RAPH1: variants seen among roughly 807,000 people sequenced by gnomAD.
RAPH1 encodes the protein Ras association (RalGDS/AF-6) and pleckstrin homology domains 1.
A neutral mutation model predicts 88.1 loss-of-function variants in RAPH1; 18 were observed. That is an observed-to-expected ratio of 0.20 (90% CI 0.14 to 0.30). The LOEUF is 0.30. Among genes scored for constraint, RAPH1 ranks in the 10% least tolerant of loss-of-function variants. The pLI, the probability that RAPH1 is intolerant of heterozygous loss-of-function variation, is 1.00. For missense variants in RAPH1, 1,448 were observed against 1,543.2 expected, an observed-to-expected ratio of 0.94 and a Z score of 1.03; for synonymous variants, 587 against 559.0, an observed-to-expected ratio of 1.05 and a Z score of -0.71.
At chr2:203,485,917 G>A (rs1687946309) in intron 4 of RAPH1, among the ~76,000 whole-genome samples, 1 of 152,088 alleles carries the variant, frequency 6.6e-6, no homozygotes, top group African/African-American at 2.4e-5. Flanking sequence ...CCCTGACCTA[G>A]AAGGATTTGA....
At chr2:203,446,887 GTAC>G (rs1432787963) in intron 12 of RAPH1, 1 of 147,556 alleles carries the variant, frequency 6.8e-6, no homozygotes. Flanking sequence ...AGGACTATGT[GTAC>G]TACTAAGTCT....
chr2:203,438,038 T>C lies in RAPH1; in HGVS notation c.*1399A>G, dbSNP rs2098499880. 2.3e-6 allele frequency: 1 copy of C among 437,994 alleles called. No individual in the cohort carries two copies. Among genetic ancestry groups the C allele is most frequent in the Non-Finnish European group, 4.6e-6 (1 of 219,332 alleles). The allele number at this position is 437,994 out of a possible 1,614,324, so 27.1% of individuals were successfully genotyped here. A position where few individuals can be genotyped will look rare whatever the true frequency, so the allele number is the denominator to read the frequency against. ...CAGAAAAAAGCATATAGAAGTATAG[T>C]GTGTCGTTAGAGCACTGACTCCACG... On this transcript the variant is annotated 3_prime_UTR_variant, in exon 14 of 14. Transcript: ENST00000319170.
At chr2:203,519,086 T>C (rs1581402739) in intron 1 of RAPH1, among the ~76,000 whole-genome samples, 2 of 152,218 alleles carry the variant, frequency 1.3e-5, no homozygotes, top group East Asian at 1.9e-4. Flanking sequence ...GAAGAAATTA[T>C]ACCAATTCTC....
At chr2:203,523,041 G>A (rs1480654599) in intron 1 of RAPH1, among the ~76,000 whole-genome samples, 2 of 152,038 alleles carry the variant, frequency 1.3e-5, no homozygotes, top group Admixed American at 6.6e-5. Flanking sequence ...TCACATCAAT[G>A]TAACAGAATG....
intron 2 of RAPH1, among the ~76,000 whole-genome samples, chr2:203,493,231 T>C (rs994994838): frequency 1.3e-5 from 2 of 152,198 alleles, no homozygotes; most frequent in Admixed American, 6.5e-5. Context: ...CTTCACACTT[T>C]TATGTCAGGC....
chr2:203,533,163 T>C (rs986059706), intron 1 of RAPH1, among the ~76,000 whole-genome samples: 2 of 152,180 alleles, frequency 1.3e-5, no homozygotes, highest in South Asian at 2.1e-4. Flanking sequence ...ACTCCACTCC[T>C]TTCACCCAGT....
intron 8 of RAPH1, among the ~76,000 whole-genome samples, chr2:203,456,272 TA>T (rs1662678384): frequency 6.6e-6 from 1 of 152,200 alleles, no homozygotes; most frequent in Non-Finnish European, 1.5e-5. Flanking sequence ...CTAAATTTAA[TA>T]AAACTGTCAG....
chr2:203,446,494 AC>A (rs1465624696), intron 12 of RAPH1: 2 of 152,142 alleles, frequency 1.3e-5, no homozygotes, highest in Non-Finnish European at 2.9e-5. Flanking sequence ...ACACTTGAGG[AC>A]TTAGGTAAGC....
chr2:203,502,145 C>G (rs1688765113), intron 1 of RAPH1, among the ~76,000 whole-genome samples: 1 of 152,194 alleles, frequency 6.6e-6, no homozygotes, highest in African/African-American at 2.4e-5. Flanking sequence ...AATTAACTAG[C>G]TACCAGGGAA....
chr2:203,500,021 A>G (rs1688672223), intron 1 of RAPH1, among the ~76,000 whole-genome samples: 1 of 152,176 alleles, frequency 6.6e-6, no homozygotes, highest in African/African-American at 2.4e-5. Context: ...ATGGGTCTAG[A>G]GTGCTCAATG....
intron 1 of RAPH1, among the ~76,000 whole-genome samples, chr2:203,517,746 CACA>C (rs2105951370): frequency 6.6e-6 from 1 of 152,140 alleles, no homozygotes; most frequent in African/African-American, 2.4e-5. Context: ...CATGAGATTA[CACA>C]ACAACCTCTT....
chr2:203,441,079 G>A lies in RAPH1; in HGVS notation c.2111C>T (p.Pro704Leu). Residue 704 changes from proline to leucine, a missense_variant, in exon 14 of 14, where the codon CCC (proline) becomes CTC (leucine). Coordinates refer to ENST00000319170, the MANE Select transcript of RAPH1 (RefSeq NM_213589.3). ...SQSVKPQILV[P>L]PNGVVPPPPP... ...GGGTGGTGGAACAACTCCATTGGGG[G>A]GTACCAGGATCTGAGGCTTCACTGA... 6.3e-7 allele frequency: 1 copy of A among 1,586,596 alleles called. No homozygotes were observed. Among genetic ancestry groups the A allele is most frequent in the African/African-American group, 1.4e-5 (1 of 73,846 alleles).
At position 203,440,151 on chromosome 2, in the gene RAPH1, G is replaced by A. The variant is rs760094057; in HGVS notation, c.3039C>T (p.Pro1013=). Residue 1013 remains proline (P), a synonymous_variant, in exon 14 of 14, where the codon CCC becomes CCT. Transcript: ENST00000319170. ...KFTPPAESGS[P]SKETLPPPAA... The stretch of plus-strand genomic sequence containing the variant: ...CAGGAGGTGGTAGGGTCTCCTTGCT[G>A]GGAGACCCTGATTCTGCTGGCGGTG... 1.5e-5 allele frequency: 25 copies of A among 1,613,302 alleles called. No homozygotes were observed. The South Asian group carries it at 2.7e-4, about 18-fold the overall frequency.
At chr2:203,501,690 T>C (rs1688745307) in intron 1 of RAPH1, among the ~76,000 whole-genome samples, 1 of 152,020 alleles carries the variant, frequency 6.6e-6, no homozygotes, top group Non-Finnish European at 1.5e-5. Flanking sequence ...GCTTTTTATA[T>C]ATCCATCACT....
chr2:203,454,122 T>C (rs551265161), intron 10 of RAPH1, among the ~76,000 whole-genome samples: 16 of 152,286 alleles, frequency 1.1e-4, no homozygotes, highest in African/African-American at 3.9e-4. Context: ...TTCGGCTCTG[T>C]TCTAAGTTTT....
intron 4 of RAPH1, among the ~76,000 whole-genome samples, chr2:203,475,129 C>T (rs755981386): frequency 6.6e-5 from 10 of 152,022 alleles, no homozygotes; most frequent in Non-Finnish European, 1.3e-4. Context: ...AAAATATGGC[C>T]GGGCGCAGTG....
chr2:203,433,949 G>T lies in RAPH1; in HGVS notation c.*5488C>A. The T allele has an allele frequency of 6.6e-6, 1 of 152,322 alleles. No homozygotes were observed. 9.4% of individuals were successfully genotyped at this position (152,322 alleles called of 1,614,324 possible). ...ATTACAATAGTTTACTGACATAACT[G>T]GCAAGAGTAACTTGGAAAATAACTT... On this transcript the variant is annotated 3_prime_UTR_variant, in exon 14 of 14. Coordinates refer to ENST00000319170, the MANE Select transcript of RAPH1 (RefSeq NM_213589.3).
In RAPH1 at chr2:203,465,930, G is replaced by A. The variant is rs150884929; in HGVS notation, c.733-4005C>T. Reference sequence around the variant, plus strand: ...TAGGGATTAAACAAAGAAGAGACCCGTGTAACCAACTAACATACATTAAAC... The same window carrying A: ...TAGGGATTAAACAAAGAAGAGACCCATGTAACCAACTAACATACATTAAAC... On this transcript the variant is annotated intron_variant, in intron 4 of 13. Coordinates refer to ENST00000319170, the MANE Select transcript of RAPH1 (RefSeq NM_213589.3). 3.8e-4 allele frequency among the ~76,000 whole-genome samples: 58 copies of A among 152,048 alleles called. 2 individuals are homozygous for A. In the East Asian group the frequency reaches 0.01, roughly 27 times the overall value.
rs749060981 is a variant in RAPH1 at position 203,454,461 on chromosome 2, T to C, written c.1382A>G (p.Lys461Arg). Residue 461 changes from lysine to arginine, a missense_variant, in exon 10 of 14, where the codon AAA becomes AGA. This residue lies in a region of RAPH1 where 513 missense variants were observed against 653.1 expected (regional missense o/e 0.79). Transcript: ENST00000319170. ...YYGQDYRNKY[K>R]APTDYCLVLK... ...CACCAGACAATAGTCTGTAGGTGCT[T>C]TGTATTTGTTCCGATAGTCCTGGCC... is the stretch of plus-strand genomic sequence containing the variant. 8 of 1,613,396 alleles carry C rather than the reference T, an allele frequency of 5.0e-6. No individual in the cohort carries two copies. The highest frequency in any genetic ancestry group is 1.7e-5 in the Admixed American group (1 of 59,988).
Sources: gnomAD v4.1 joint callset for allele counts (sites outside exome capture counted in the v4.1 genomes callset) on GRCh38, gnomAD v4.1.1 for gene constraint, gnomAD v4.1.1 regional missense constraint, MANE v1.5 for transcripts, NCBI Gene and HGNC (gene_info 2026-07-23, HGNC 2026-07-21) for gene names.